The following CDK15 variants were observed in gnomAD, a reference collection of about 807,000 sequenced individuals.
The protein encoded by CDK15 is cyclin dependent kinase 15.
A neutral mutation model predicts 60.3 loss-of-function variants in CDK15; 62 were observed. That is an observed-to-expected ratio of 1.03 (90% CI 0.84 to 1.27). The LOEUF (loss-of-function observed/expected upper bound fraction) is 1.27. Ranked by LOEUF, CDK15 falls within the 50% of genes most tolerant of loss-of-function variation. CDK15 has a pLI of 0.00. For synonymous variants in CDK15, 194 were observed against 195.7 expected, an observed-to-expected ratio of 0.99 and a Z score of 0.07; for missense variants, 541 against 527.8, an observed-to-expected ratio of 1.03 and a Z score of -0.25.
At chr2:201,879,322 C>G (rs1481254116) in intron 11 of CDK15, among the ~76,000 whole-genome samples, 1 of 152,220 alleles carries the variant, frequency 6.6e-6, no homozygotes, top group Non-Finnish European at 1.5e-5. Context: ...GAATTCTGTG[C>G]TTTTCCCCCT....
chr2:201,806,546 A>G lies in CDK15; in HGVS notation c.-119A>G. 1 of 1,190,756 alleles carries G rather than the reference A, an allele frequency of 8.4e-7. No homozygotes were observed. Among genetic ancestry groups the G allele is most frequent in the East Asian group, 2.7e-5 (1 of 36,964 alleles). The allele number at this position is 1,190,756 out of a possible 1,614,324, so 73.8% of individuals were successfully genotyped here. A position where few individuals can be genotyped will look rare whatever the true frequency, so the allele number is the denominator to read the frequency against. Reference sequence around the variant, plus strand: ...TGAGGCTGCTCCAGGCAGAGCCATCATGTGAGTCATATGAAAGCTCCACGC... The same window carrying G: ...TGAGGCTGCTCCAGGCAGAGCCATCGTGTGAGTCATATGAAAGCTCCACGC... On this transcript the variant is annotated 5_prime_UTR_variant, in exon 1 of 14. It removes an upstream start codon present in the reference 5' UTR. Transcript: ENST00000652192.
At chr2:201,835,567 T>TAAACACCA in intron 7 of CDK15, 76 bp from the exon 8 acceptor site, 18 of 1,393,814 alleles carry the variant, frequency 1.3e-5, no homozygotes, top group Non-Finnish European at 1.6e-5. Flanking sequence ...TCTAATGGTG[T>TAAACACCA]TTACCCTGGT....
At chr2:201,847,333 T>G (rs747550393) in intron 8 of CDK15, 48 bp from the exon 9 acceptor site, 3 of 1,530,656 alleles carry the variant, frequency 2.0e-6, no homozygotes, top group Non-Finnish European at 2.7e-6. Flanking sequence ...CAGTTTCGCT[T>G]GTATGATTTC....
At chr2:201,821,921 T>A (rs1476670520) in intron 4 of CDK15, among the ~76,000 whole-genome samples, 1 of 152,164 alleles carries the variant, frequency 6.6e-6, no homozygotes, top group Non-Finnish European at 1.5e-5. Flanking sequence ...CCTCAGGTGA[T>A]CCACCCACCT....
At position 201,890,865 on chromosome 2, in the gene CDK15, C is replaced by A; in HGVS notation, c.1279C>A (p.His427Asn). Reference sequence around the variant, plus strand: ...TTTGGCCTCCTACCAGAAAGGTCACCACCCAGCCCAGTTTAGCAAATGCTG... The same window carrying A: ...TTTGGCCTCCTACCAGAAAGGTCACAACCCAGCCCAGTTTAGCAAATGCTG... ...DLLASYQKGH[H>N]PAQFSKCW The change falls in exon 13 of 14, where the codon CAC becomes AAC. Residue 427 changes from histidine to asparagine, a missense_variant. Transcript: ENST00000652192. 1.2e-6 allele frequency: 2 copies of A among 1,613,664 alleles called. No homozygotes were observed.
At chr2:201,854,772 C>A in intron 9 of CDK15, 102 bp from the exon 10 acceptor site, 1 of 920,374 alleles carries the variant, frequency 1.1e-6, no homozygotes, top group South Asian at 1.4e-5. Context: ...ACATCTGACG[C>A]TTCCCTGTTC....
At chr2:201,887,645 G>A (rs1455664053) in intron 12 of CDK15, among the ~76,000 whole-genome samples, 1 of 152,126 alleles carries the variant, frequency 6.6e-6, no homozygotes, top group Non-Finnish European at 1.5e-5. Context: ...CGAATGCAAG[G>A]GTTCATATAA....
intron 11 of CDK15, among the ~76,000 whole-genome samples, chr2:201,878,641 AC>A (rs1164568850): frequency 6.6e-6 from 1 of 151,978 alleles, no homozygotes; most frequent in African/African-American, 2.4e-5. Flanking sequence ...AAAATGTTAT[AC>A]CTGGGCTGCT....
intron 10 of CDK15, among the ~76,000 whole-genome samples, chr2:201,859,034 T>C (rs1559138629): frequency 6.6e-6 from 1 of 152,112 alleles, no homozygotes; most frequent in Non-Finnish European, 1.5e-5. Flanking sequence ...GCTGCCGTCT[T>C]TCACACAATT....
chr2:201,860,722 ATCAACT>A, intron 10 of CDK15: 1 of 1,352,132 alleles, frequency 7.4e-7, no homozygotes, highest in Non-Finnish European at 9.8e-7. Context: ...TGCTTGCTTT[ATCAACT>A]TCTGACCACC....
chr2:201,861,068 G>C, intron 10 of CDK15: 1 of 1,087,078 alleles, frequency 9.2e-7, no homozygotes, highest in Non-Finnish European at 1.1e-6. Flanking sequence ...TTGAACTAAG[G>C]GGAAAGATAT....
At chr2:201,860,818 A>G (rs1241942871) in intron 10 of CDK15, 2 of 1,352,072 alleles carry the variant, frequency 1.5e-6, no homozygotes, top group Non-Finnish European at 2.0e-6. Flanking sequence ...TTGTTCTAGG[A>G]ATGTCTCATT....
chr2:201,812,588 T>G (rs767327298), intron 4 of CDK15, 26 bp downstream of exon 4: 2 of 1,526,018 alleles, frequency 1.3e-6, no homozygotes, highest in Admixed American at 3.4e-5. Context: ...ATGGACCCAA[T>G]AGATCTGTTT....
chr2:201,842,962 A>C (rs932441717), intron 8 of CDK15, among the ~76,000 whole-genome samples: 4 of 152,314 alleles, frequency 2.6e-5, no homozygotes, highest in Admixed American at 6.5e-5. Flanking sequence ...GGGTAAGAGG[A>C]GCCCCAGGAA....
intron 12 of CDK15, among the ~76,000 whole-genome samples, chr2:201,883,420 G>A (rs1699349025): frequency 1.3e-5 from 2 of 152,166 alleles, no homozygotes. Flanking sequence ...CTATTTTCAT[G>A]ACGCTGAGAA....
intron 10 of CDK15, chr2:201,860,738 C>T: frequency 7.4e-7 from 1 of 1,352,116 alleles, no homozygotes; most frequent in South Asian, 1.1e-5. Context: ...TTCTGACCAC[C>T]AGGTGGAAGC....
At chr2:201,857,055 C>G (rs1698172010) in intron 10 of CDK15, among the ~76,000 whole-genome samples, 1 of 66,906 alleles carries the variant, frequency 1.5e-5, no homozygotes. Flanking sequence ...AACCCCGTCT[C>G]TACTAAAAAT....
intron 11 of CDK15, among the ~76,000 whole-genome samples, chr2:201,872,583 A>C (rs1191004342): frequency 2.0e-5 from 3 of 151,978 alleles, no homozygotes; most frequent in Non-Finnish European, 4.4e-5. Flanking sequence ...CCTGAGAACG[A>C]GGGAGTGTTG....
chr2:201,833,710 CTTCTTCTTTT>C, intron 6 of CDK15, 128 bp from the exon 7 acceptor site: 2 of 617,478 alleles, frequency 3.2e-6, no homozygotes, highest in Non-Finnish European at 2.4e-6. Context: ...TCTTCTTCTT[CTTCTTCTTTT>C]TTTTTTTTTT....
Sources: allele counts gnomAD v4.1 joint callset (sites outside exome capture counted in the v4.1 genomes callset), GRCh38; gene constraint gnomAD v4.1.1; transcripts MANE v1.5; gene names NCBI Gene and HGNC (gene_info 2026-07-23, HGNC 2026-07-21).